The following FSTL5 variants were observed in gnomAD, a reference collection of about 807,000 sequenced individuals.
The protein encoded by FSTL5 is follistatin like 5.
In FSTL5, 62 loss-of-function variants were observed where a neutral mutation model predicts 89.1. That is an observed-to-expected ratio of 0.70 (90% CI 0.57 to 0.86). FSTL5 has a LOEUF of 0.86. Ranked by LOEUF, FSTL5 falls within the 40% of genes least tolerant of loss-of-function variation. The pLI is 0.00. For missense variants in FSTL5, 1,057 were observed against 1,001.6 expected, an observed-to-expected ratio of 1.06 and a Z score of -0.75; for synonymous variants, 383 against 346.2, an observed-to-expected ratio of 1.11 and a Z score of -1.18.
intron 8 of FSTL5, among the ~76,000 whole-genome samples, chr4:161,556,283 C>T (rs760269363): frequency 6.6e-6 from 1 of 151,478 alleles, no homozygotes; most frequent in Non-Finnish European, 1.5e-5. Context: ...ATTTGTCTTT[C>T]AATATTATAT....
intron 3 of FSTL5, among the ~76,000 whole-genome samples, chr4:161,925,669 T>C (rs1734101494): frequency 6.6e-6 from 1 of 151,880 alleles, no homozygotes; most frequent in Admixed American, 6.6e-5. Flanking sequence ...GCATAGAGTA[T>C]CTGCTTAACA....
chr4:161,550,384 A>C (rs1732157238), intron 8 of FSTL5, among the ~76,000 whole-genome samples: 1 of 151,894 alleles, frequency 6.6e-6, no homozygotes, highest in Non-Finnish European at 1.5e-5. Context: ...CACTTTCAAA[A>C]ATGATTGTCC....
chr4:161,685,524 T>C (rs531008810), intron 6 of FSTL5, among the ~76,000 whole-genome samples: 30 of 152,166 alleles, frequency 2.0e-4, no homozygotes, highest in Non-Finnish European at 2.6e-4. Context: ...TTTGCAGCTA[T>C]TGTAAAAGGT....
At chr4:161,783,812 C>T (rs1470037344) in intron 4 of FSTL5, among the ~76,000 whole-genome samples, 2 of 146,644 alleles carry the variant, frequency 1.4e-5, no homozygotes, top group African/African-American at 5.1e-5. Flanking sequence ...GGCTGGAGGG[C>T]AGTGGCATAG....
intron 4 of FSTL5, among the ~76,000 whole-genome samples, chr4:161,783,647 CTCTCTTTCTTTCTTTCTCTTTCTTTCTT>C (rs1407892074): frequency 1.1e-5 from 1 of 92,254 alleles, no homozygotes; most frequent in South Asian, 4.2e-4. Context: ...CTTTCTTTCT[CTCTCTTTCTTTCTTTCTCTTTCTTTCTT>C]TCTCTTTCTT....
chr4:161,701,061 T>C (rs1173071779), intron 6 of FSTL5, among the ~76,000 whole-genome samples: 1 of 152,204 alleles, frequency 6.6e-6, no homozygotes, highest in Non-Finnish European at 1.5e-5. Context: ...ATTAAGCTTT[T>C]ATTCTTTTTG....
intron 15 of FSTL5, among the ~76,000 whole-genome samples, chr4:161,424,829 T>C (rs1202703279): frequency 5.3e-5 from 8 of 152,244 alleles, no homozygotes. Context: ...AGTAGATTGA[T>C]CTAAAAACAA....
chr4:161,861,314 T>A (rs1731907786), intron 4 of FSTL5, among the ~76,000 whole-genome samples: 1 of 151,838 alleles, frequency 6.6e-6, no homozygotes, highest in Admixed American at 6.6e-5. Context: ...CGCAGCTGCT[T>A]GGGAGGCTGA....
intron 7 of FSTL5, among the ~76,000 whole-genome samples, chr4:161,603,485 C>A (rs541488028): frequency 1.3e-5 from 2 of 152,036 alleles, no homozygotes; most frequent in African/African-American, 2.4e-5. Flanking sequence ...TGGCTTTCTG[C>A]CATCCAGGAA....
At chr4:161,449,994 C>A (rs905984907) in intron 15 of FSTL5, among the ~76,000 whole-genome samples, 8 of 152,132 alleles carry the variant, frequency 5.3e-5, no homozygotes, top group African/African-American at 1.9e-4. Context: ...TGGTATCCTG[C>A]ACTCAGATTT....
chr4:161,643,471 GT>G (rs35607433), intron 7 of FSTL5, among the ~76,000 whole-genome samples: 17,794 of 148,342 alleles, frequency 0.12, 1,321 homozygotes, highest in South Asian at 0.36. Flanking sequence ...ATGTAACGGA[GT>G]TTTTTTTTTT....
chr4:162,001,125 T>C (rs1230282760), intron 3 of FSTL5, among the ~76,000 whole-genome samples: 1 of 152,228 alleles, frequency 6.6e-6, no homozygotes, highest in African/African-American at 2.4e-5. Flanking sequence ...CCTGTAGTTT[T>C]TGTCATTTTG....
Position 161,529,734 on chromosome 4 carries a change from T to C in FSTL5, c.1312+8432A>G, listed in dbSNP as rs1056096643. Among the ~76,000 whole-genome samples the C allele has an allele frequency of 1.1e-4, 16 of 142,600 alleles. 1 individual carries two copies. Among genetic ancestry groups the C allele is most frequent in the Admixed American group, 3.0e-4 (4 of 13,234 alleles). The allele number at this position is 142,600 out of a possible 152,430, so 93.6% of individuals were successfully genotyped here. A position where few individuals can be genotyped will look rare whatever the true frequency, so the allele number is the denominator to read the frequency against. On this transcript the variant is annotated intron_variant, in intron 10 of 15. Coordinates refer to ENST00000306100, the MANE Select transcript of FSTL5 (RefSeq NM_020116.5). The stretch of plus-strand genomic sequence containing the variant: ...TTTGGTTCTATTTGACTCTAGCTCT[T>C]AGCTCATCACTATCAGGATAAAATC...
chr4:162,111,540 G>T, intron 1 of FSTL5, 128 bp from the exon 2 acceptor site: 1 of 615,698 alleles, frequency 1.6e-6, no homozygotes, highest in Non-Finnish European at 2.6e-6. Context: ...TAGTTGCCAA[G>T]GGAAATGAGA....
intron 6 of FSTL5, among the ~76,000 whole-genome samples, chr4:161,709,634 C>T (rs946257800): frequency 2.0e-5 from 3 of 151,822 alleles, no homozygotes; most frequent in Non-Finnish European, 4.4e-5. Flanking sequence ...CACATCTCTA[C>T]AAAAACAAAA....
chr4:161,587,392 C>T, intron 8 of FSTL5, 63 bp downstream of exon 8: 4 of 1,533,706 alleles, frequency 2.6e-6, no homozygotes, highest in Non-Finnish European at 1.8e-6. Flanking sequence ...AAATTGAAGG[C>T]TTCACTTCCT....
At chr4:161,892,118 A>T (rs1000724655) in intron 4 of FSTL5, among the ~76,000 whole-genome samples, 5 of 151,946 alleles carry the variant, frequency 3.3e-5, no homozygotes, top group African/African-American at 1.2e-4. Flanking sequence ...CAAACATCTT[A>T]TAATCCAGTA....
Position 161,779,954 on chromosome 4 carries a change from G to T in FSTL5, c.410-3880C>A, listed in dbSNP as rs1030716218. On this transcript the variant is annotated intron_variant, in intron 4 of 15. Transcript: ENST00000306100. ...GAGGTAACAGGTAAACTATTAGAAT[G>T]TATTGAATAGAAAGCCAAAGGGAGA... 1.0e-4 allele frequency among the ~76,000 whole-genome samples: 15 copies of T among 147,944 alleles called. No homozygotes were observed. In the Admixed American group the frequency reaches 1.0e-3, roughly 10 times the overall value.
At chr4:161,915,622 T>A (rs1034995468) in intron 4 of FSTL5, among the ~76,000 whole-genome samples, 2 of 152,136 alleles carry the variant, frequency 1.3e-5, no homozygotes, top group African/African-American at 4.8e-5. Flanking sequence ...AAATTGTTTT[T>A]GATGTTGTGG....
Sources: gnomAD v4.1 joint callset for allele counts (sites outside exome capture counted in the v4.1 genomes callset) on GRCh38, gnomAD v4.1.1 for gene constraint, MANE v1.5 for transcripts, NCBI Gene and HGNC (gene_info 2026-07-23, HGNC 2026-07-21) for gene names.